PLEKHM2: variants seen among roughly 807,000 people sequenced by gnomAD.
PLEKHM2 encodes the protein pleckstrin homology domain-containing family M member 2.
A neutral mutation model predicts 116.3 loss-of-function variants in PLEKHM2; 77 were observed. The ratio of observed to expected loss-of-function variants is 0.66; its 90% CI spans 0.55 to 0.80. The LOEUF is 0.80. PLEKHM2 is among the 30% of genes least tolerant of loss of function. The pLI, the probability that PLEKHM2 is intolerant of heterozygous loss-of-function variation, is 0.00. For missense variants in PLEKHM2, 1,183 were observed against 1,354.9 expected, an observed-to-expected ratio of 0.87 and a Z score of 1.99; for synonymous variants, 562 against 571.0, an observed-to-expected ratio of 0.98 and a Z score of 0.22.
At chr1:15,705,326 A>G (rs190338007) in intron 1 of PLEKHM2, among the ~76,000 whole-genome samples, 272 of 151,696 alleles carry the variant, frequency 1.8e-3, no homozygotes, top group Middle Eastern at 6.8e-3. Flanking sequence ...CTACAAGTGT[A>G]TCGTGCCATC....
At chr1:15,716,500 AC>A (rs1641449359) in intron 2 of PLEKHM2, among the ~76,000 whole-genome samples, 157 bp downstream of exon 2, 1 of 152,140 alleles carries the variant, frequency 6.6e-6, no homozygotes, top group South Asian at 2.1e-4. Context: ...CTCTGTAGTT[AC>A]CCCAGTAAAT....
chr1:15,713,648 G>A (rs1368405885), intron 1 of PLEKHM2, among the ~76,000 whole-genome samples: 1 of 148,922 alleles, frequency 6.7e-6, no homozygotes, highest in East Asian at 1.9e-4. Context: ...TTTGTTTTTT[G>A]TTTTTGAGAA....
At chr1:15,689,748 G>A (rs1461620836) in intron 1 of PLEKHM2, among the ~76,000 whole-genome samples, 2 of 152,078 alleles carry the variant, frequency 1.3e-5, no homozygotes, top group African/African-American at 4.8e-5. Context: ...TCAGTGAGTG[G>A]TGGTGTTTTT....
upstream of PLEKHM2, among the ~76,000 whole-genome samples, chr1:15,682,450 CAAA>C (rs58913655): frequency 8.8e-6 from 1 of 114,234 alleles, no homozygotes. Flanking sequence ...GACTCCGCCT[CAAA>C]AAAAAAAAAA....
chr1:15,681,607 C>T (rs556028285), upstream of PLEKHM2: 232 of 471,152 alleles, frequency 4.9e-4, 2 homozygotes, highest in South Asian at 3.5e-3. Context: ...TTTCATGAAC[C>T]AGAGCTGCAT....
Position 15,732,341 on chromosome 1 carries a change from C to T in PLEKHM2, c.2626-9C>T, listed in dbSNP as rs781002125. On this transcript the variant is annotated splice_polypyrimidine_tract_variant and intron_variant, in intron 17 of 19. Coordinates refer to ENST00000375799, the MANE Select transcript of PLEKHM2 (RefSeq NM_015164.4). Reference sequence around the variant, plus strand: ...GCCCCAGCCTGCCTCTCCCCTGCCCCGCTGCCAGGTCATCCCCCAGGGCGT... The same window carrying T: ...GCCCCAGCCTGCCTCTCCCCTGCCCTGCTGCCAGGTCATCCCCCAGGGCGT... 7.1e-6 allele frequency: 11 copies of T among 1,548,542 alleles called. No homozygotes were observed. The highest frequency in any genetic ancestry group is 1.2e-5 in the South Asian group (1 of 83,832).
Position 15,684,516 on chromosome 1 carries a change from C to CGGCGGCGGTGGCGGTGGCGGT in PLEKHM2, c.-35_-15dup. The CGGCGGCGGTGGCGGTGGCGGT allele has an allele frequency of 9.3e-7, 1 of 1,078,580 alleles. No individual in the cohort carries two copies. The highest frequency in any genetic ancestry group is 1.1e-6 in the Non-Finnish European group (1 of 879,450). 66.8% of individuals were successfully genotyped at this position (1,078,580 alleles called of 1,614,324 possible). ...GGCGCGGGAAGCGGCGGCGGGGCGG[C>CGGCGGCGGTGGCGGTGGCGGT]GGCGGCGGTGGCGGTGGCGGTGGCG... On this transcript the variant is annotated 5_prime_UTR_variant, in exon 1 of 20. Coordinates refer to ENST00000375799, the MANE Select transcript of PLEKHM2 (RefSeq NM_015164.4).
upstream of PLEKHM2, chr1:15,681,546 A>T (rs762802535): frequency 1.1e-5 from 5 of 475,468 alleles, no homozygotes; most frequent in Non-Finnish European, 2.1e-5. Flanking sequence ...CTGCTATTCA[A>T]CAGCAGAGAA....
chr1:15,725,640 C>T (rs1006243428), intron 8 of PLEKHM2, 95 bp downstream of exon 8: 15 of 863,022 alleles, frequency 1.7e-5, no homozygotes, highest in Non-Finnish European at 2.5e-5. Flanking sequence ...ACCGGGACAC[C>T]CCCTGAGGGC....
chr1:15,687,516 T>C (rs1394614170), intron 1 of PLEKHM2, among the ~76,000 whole-genome samples: 1 of 152,164 alleles, frequency 6.6e-6, no homozygotes, highest in Non-Finnish European at 1.5e-5. Flanking sequence ...TCTTAACTGG[T>C]AGCTTTTTTC....
rs1005552936 is a variant in PLEKHM2 at position 15,705,162 on chromosome 1, G to A, written c.61-11075G>A. Among the ~76,000 whole-genome samples the A allele has an allele frequency of 5.9e-4, 84 of 141,500 alleles. 1 individual carries two copies. The highest frequency in any genetic ancestry group is 6.2e-4 in the Non-Finnish European group (41 of 65,678). 92.8% of individuals were successfully genotyped at this position (141,500 alleles called of 152,430 possible). On this transcript the variant is annotated intron_variant, in intron 1 of 19. Transcript: ENST00000375799. Reference sequence around the variant, plus strand: ...ACAGCTGTGTCCTTGATGTCTCCACGTAGATATCTTTTTTTTTTTTTTTTT... The same window carrying A: ...ACAGCTGTGTCCTTGATGTCTCCACATAGATATCTTTTTTTTTTTTTTTTT...
rs530188792 is a variant in PLEKHM2, at chr1:15,703,673, C to T, written c.61-12564C>T. Among the ~76,000 whole-genome samples the T allele has an allele frequency of 1.4e-3, 219 of 152,254 alleles. 2 individuals are homozygous for T. The highest frequency in any genetic ancestry group is 4.6e-3 in the African/African-American group (193 of 41,556). ...TGGGTGTATGAAGATCAGAGAGAGA[C>T]GGGACAGAGAAGGCCGGGCTGTGGC... is the stretch of plus-strand genomic sequence containing the variant. On this transcript the variant is annotated intron_variant, in intron 1 of 19. Transcript: ENST00000375799.
At chr1:15,716,600 C>A in intron 2 of PLEKHM2, 107 bp from the exon 3 acceptor site, 2 of 1,142,994 alleles carry the variant, frequency 1.7e-6, no homozygotes, top group Admixed American at 2.1e-5. Flanking sequence ...GGGAGACCTG[C>A]TGGGGATCCA....
In PLEKHM2 at chr1:15,727,235, G is replaced by A. The variant is rs750156567; in HGVS notation, c.1163G>A (p.Arg388His). 1.8e-4 allele frequency: 290 copies of A among 1,602,722 alleles called. 1 individual carries two copies. Among genetic ancestry groups the A allele is most frequent in the Admixed American group, 1.6e-3 (96 of 58,526 alleles). ...AGCAGCACCACGGAGAGCAGCGAGC[G>A]CTCCGAGCCGGGCCTGCTGATCCCT... ...GPSSTTESSE[R>H]SEPGLLIPEM... The change falls in exon 9 of 20, where the codon CGC becomes CAC. Residue 388 changes from arginine (R) to histidine (H), a missense_variant. Transcript: ENST00000375799. This position sits in a 1 kb window ranked among gnomAD's most constrained non-coding sequence, Gnocchi z 7.5.
In PLEKHM2 at chr1:15,686,550, G is replaced by A. The variant is rs550979561; in HGVS notation, c.60+1932G>A. 2.3e-3 allele frequency among the ~76,000 whole-genome samples: 346 copies of A among 151,520 alleles called. 2 individuals carry two copies. The highest frequency in any genetic ancestry group is 8.0e-3 in the African/African-American group (331 of 41,200). On this transcript the variant is annotated intron_variant, in intron 1 of 19. Coordinates refer to ENST00000375799, the MANE Select transcript of PLEKHM2 (RefSeq NM_015164.4). ...GGCTGGAGGGCAGTGGTGTGATCTC[G>A]GCTCACTACAACCTCCACCTCCCAG...
intron 1 of PLEKHM2, among the ~76,000 whole-genome samples, chr1:15,687,862 C>T (rs1289746222): frequency 6.6e-6 from 1 of 152,154 alleles, no homozygotes; most frequent in African/African-American, 2.4e-5. Flanking sequence ...ATCCTACCAC[C>T]AGTAAATGGT....
In PLEKHM2 at chr1:15,719,184, T is replaced by C. The variant is rs1175386671; in HGVS notation, c.466-550T>C. 6.6e-6 allele frequency among the ~76,000 whole-genome samples: 1 copy of C among 152,162 alleles called. No individual in the cohort carries two copies. On this transcript the variant is annotated intron_variant, in intron 5 of 19. Transcript: ENST00000375799. The surrounding 1 kb of genome is among the most constrained non-coding windows in gnomAD (Gnocchi z 4.1). The stretch of plus-strand genomic sequence containing the variant: ...CCTTCCTTGGGCCAGGCGCAGTGGC[T>C]CACACCTATAATCCCAGCACTTTGG...
At position 15,721,344 on chromosome 1, in the gene PLEKHM2, ATG is replaced by A. The variant is rs1423178635; in HGVS notation, c.672_673del (p.Phe225SerfsTer59). 1.3e-6 allele frequency: 2 copies of A among 1,565,202 alleles called. No individual in the cohort carries two copies. Among genetic ancestry groups the A allele is most frequent in the South Asian group, 2.4e-5 (2 of 85,056 alleles). ...GTTTTTGTAGATTATGATTTTGGAG[ATG>A]TGTTTCCAGCAGTGCCGTCTGTACC... On this transcript the variant is annotated frameshift_variant, in exon 7 of 20. Transcript: ENST00000375799. LOFTEE classifies it high-confidence loss of function. This position sits in a 1 kb window ranked among gnomAD's most constrained non-coding sequence, Gnocchi z 5.1.
intron 1 of PLEKHM2, among the ~76,000 whole-genome samples, chr1:15,709,373 G>A (rs1283733370): frequency 6.6e-6 from 1 of 152,138 alleles, no homozygotes; most frequent in African/African-American, 2.4e-5. Flanking sequence ...ATACTGGAGC[G>A]GGAGGGAGGT....
Sources: allele counts gnomAD v4.1 joint callset (sites outside exome capture counted in the v4.1 genomes callset), GRCh38; gene constraint gnomAD v4.1.1; non-coding constraint Gnocchi (gnomAD v3.1); transcripts MANE v1.5; gene names NCBI Gene and HGNC (gene_info 2026-07-23, HGNC 2026-07-21).